Variants in SEZ6 observed in about 807,000 individuals in gnomAD.
SEZ6 encodes the protein seizure protein 6 homolog.
SEZ6 carries 53 observed loss-of-function variants against 101.0 expected under a neutral mutation model. The ratio of observed to expected loss-of-function variants is 0.52; its 90% CI spans 0.42 to 0.66. The LOEUF (loss-of-function observed/expected upper bound fraction) is 0.66. Among genes scored for constraint, SEZ6 ranks in the 30% least tolerant of loss-of-function variants. SEZ6 has a pLI of 0.00. For synonymous variants in SEZ6, 488 were observed against 512.2 expected (o/e 0.95, Z 0.64); for missense variants, 1,102 against 1,289.4 (o/e 0.85, Z 2.23).
chr17:29,004,386 G>A (rs1431835925), intron 1 of SEZ6, among the ~76,000 whole-genome samples: 2 of 152,136 alleles, frequency 1.3e-5, no homozygotes, highest in Admixed American at 6.5e-5. Context: ...CCTGGGGTGG[G>A]TCTTGCAGGA....
chr17:29,004,770 G>A (rs2041662913), intron 1 of SEZ6, among the ~76,000 whole-genome samples: 1 of 152,154 alleles, frequency 6.6e-6, no homozygotes, highest in African/African-American at 2.4e-5. Flanking sequence ...ACTGCAGCGG[G>A]AGAAGGACGT....
At chr17:28,956,922 T>C in intron 13 of SEZ6, 123 bp downstream of exon 13, 1 of 1,354,188 alleles carries the variant, frequency 7.4e-7, no homozygotes, top group South Asian at 1.4e-5. Context: ...TGGCAGAGAC[T>C]GGGGAGACCA....
chr17:28,960,349 G>A, intron 7 of SEZ6, 156 bp downstream of exon 7: 1 of 970,016 alleles, frequency 1.0e-6, no homozygotes, highest in Non-Finnish European at 1.5e-6. Flanking sequence ...CAAAGAGAGG[G>A]GCAGGGAAAG....
rs561161706 is a variant in SEZ6 at position 28,957,424 on chromosome 17, C to T, written c.2418G>A (p.Met806Ile). ...QYICDQGFVL[M>I]GSSILTCHDR... ...CATGGCAGGTGAGGATGGAGCTGCC[C>T]ATCAGCACAAAACCCTGGTCACAGA... Residue 806 changes from methionine (M) to isoleucine (I), a missense_variant, in exon 12 of 17, where the codon ATG becomes ATA. Physicochemically the swap from Met to Ile is conservative, Grantham distance 10. Around this residue, in one of 3 missense-constraint regions of SEZ6, gnomAD observed 556 missense variants for 735.1 expected, o/e 0.76. Coordinates refer to ENST00000317338, the MANE Select transcript of SEZ6 (RefSeq NM_178860.5). 9 of 1,613,764 alleles carry T rather than the reference C, an allele frequency of 5.6e-6. No individual in the cohort carries two copies. Among genetic ancestry groups the T allele is most frequent in the South Asian group, 1.1e-5 (1 of 91,060 alleles).
chr17:28,955,972 T>C lies in SEZ6; in HGVS notation c.2975A>G (p.Glu992Gly). The C allele has an allele frequency of 5.6e-6, 9 of 1,612,606 alleles. No individual in the cohort carries two copies. Among genetic ancestry groups the C allele is most frequent in the Non-Finnish European group, 7.6e-6 (9 of 1,179,348 alleles). Residue 992 changes from glutamate (E) to glycine (G), a missense_variant, in exon 17 of 17, where the codon GAG becomes GGG. By Grantham distance (98) the Glu-to-Gly change is moderately conservative. Coordinates refer to ENST00000317338, the MANE Select transcript of SEZ6 (RefSeq NM_178860.5). ...ACCTAGATGGAGACTTCATATTCTC[T>C]CGTCTCCTGCAAAGGAAAGAGACTG... ...ETGSLSFAGD[E>G]RI
chr17:28,964,163 G>C lies in SEZ6; in HGVS notation c.1055-16C>G, dbSNP rs368047971. On this transcript the variant is annotated splice_polypyrimidine_tract_variant and intron_variant, in intron 4 of 16. Transcript: ENST00000317338. ...AGGAGATAGGCTGCAAACAGAGAAC[G>C]GGTGACACTGTGTATGTGTGCAGGG... The C allele has an allele frequency of 6.4e-7, 1 of 1,566,240 alleles. No homozygotes were observed. The highest frequency in any genetic ancestry group is 1.4e-5 in the African/African-American group (1 of 73,726).
rs992137860 is a variant in SEZ6, at chr17:29,005,291, G to A, written c.55+524C>T. 3.9e-5 allele frequency among the ~76,000 whole-genome samples: 6 copies of A among 152,188 alleles called. No individual in the cohort carries two copies. Among genetic ancestry groups the A allele is most frequent in the African/African-American group, 1.4e-4 (6 of 41,448 alleles). On this transcript the variant is annotated intron_variant, in intron 1 of 16. Coordinates refer to ENST00000317338, the MANE Select transcript of SEZ6 (RefSeq NM_178860.5). The surrounding 1 kb of genome is among the most constrained non-coding windows in gnomAD (Gnocchi z 4.8). ...AGCGCCAGGGCATGGGGAGGTGAGC[G>A]AGGTCCCAACCCCGGGTCCGGCCGC...
In SEZ6 at chr17:28,991,816, G is replaced by T. The variant is rs2041464422; in HGVS notation, c.56-9777C>A. Among the ~76,000 whole-genome samples the T allele has an allele frequency of 2.0e-5, 3 of 152,182 alleles. No homozygotes were observed. The South Asian group carries it at 6.2e-4, about 32-fold the overall frequency. On this transcript the variant is annotated intron_variant, in intron 1 of 16. Transcript: ENST00000317338. ...AGGATTCTTGTCATCCACCGATGAGGTTTGCTTCCCAAACTTGGCCGCGCA... is the reference window on the plus strand; with the variant it reads ...AGGATTCTTGTCATCCACCGATGAGTTTTGCTTCCCAAACTTGGCCGCGCA...
intron 7 of SEZ6, chr17:28,960,197 C>T: frequency 1.7e-6 from 1 of 574,692 alleles, no homozygotes; most frequent in South Asian, 2.1e-5. Flanking sequence ...ATAAATGGTT[C>T]TAGAATGTCT....
Position 28,981,698 on chromosome 17 carries a change from G to A in SEZ6, c.397C>T (p.Pro133Ser), listed in dbSNP as rs1241389509. The change falls in exon 2 of 17, where the codon CCC becomes TCC. Residue 133 changes from proline to serine, a missense_variant. Physicochemically the swap from Pro to Ser is moderately conservative, Grantham distance 74. This residue lies in a region of SEZ6 where 406 missense variants were observed against 418.6 expected (regional missense o/e 0.97). Coordinates refer to ENST00000317338, the MANE Select transcript of SEZ6 (RefSeq NM_178860.5). ...CTCCAGGGTCCCTCCTTGGACTGGGGCTGAGTGGGTACCGCAGCCATGGCT... is the reference window on the plus strand; with the variant it reads ...CTCCAGGGTCCCTCCTTGGACTGGGACTGAGTGGGTACCGCAGCCATGGCT... Reference protein sequence around the residue: ...TPAMAAVPTQPQSKEGPWSPE... With the variant: ...TPAMAAVPTQSQSKEGPWSPE... 2.5e-6 allele frequency: 4 copies of A among 1,587,330 alleles called. No individual in the cohort carries two copies. Among genetic ancestry groups the A allele is most frequent in the Admixed American group, 1.7e-5 (1 of 58,930 alleles).
At chr17:28,981,300 G>A (rs1415768579) in intron 2 of SEZ6, 71 bp downstream of exon 2, 4 of 1,488,342 alleles carry the variant, frequency 2.7e-6, no homozygotes, top group Non-Finnish European at 3.6e-6. Context: ...CAGTGTCAGA[G>A]ACAGGCTTTT....
In SEZ6 at chr17:28,982,602, G is replaced by A. The variant is rs144576750; in HGVS notation, c.56-563C>T. On this transcript the variant is annotated intron_variant, in intron 1 of 16. Transcript: ENST00000317338. Reference sequence around the variant, plus strand: ...GCTGGTCATTAGCCTCAGGAAATGCGTCACATATTTGGGATTTTATTTTAG... The same window carrying A: ...GCTGGTCATTAGCCTCAGGAAATGCATCACATATTTGGGATTTTATTTTAG... Among the ~76,000 whole-genome samples, 31 of 152,238 alleles carry A rather than the reference G, an allele frequency of 2.0e-4. No homozygotes were observed. The East Asian group carries it at 5.0e-3, about 25-fold the overall frequency.
chr17:28,959,605 T>C lies in SEZ6; in HGVS notation c.1771+93A>G, dbSNP rs556807833. 3 of 1,534,390 alleles carry C rather than the reference T, an allele frequency of 2.0e-6. No homozygotes were observed. The Admixed American group carries it at 5.6e-5, about 29-fold the overall frequency. The stretch of plus-strand genomic sequence containing the variant: ...TTGGAGGAAGCCTGAACCACGCATA[T>C]CACAGGGCCCCTGTGGCCCCGGGCT... On this transcript the variant is annotated intron_variant, in intron 8 of 16. Transcript: ENST00000317338. This position sits in a 1 kb window ranked among gnomAD's most constrained non-coding sequence, Gnocchi z 4.4.
Position 28,971,220 on chromosome 17 carries a change from C to T in SEZ6, c.859-1268G>A, listed in dbSNP as rs533824825. Among the ~76,000 whole-genome samples the T allele has an allele frequency of 6.6e-5, 10 of 152,276 alleles. No individual in the cohort carries two copies. The South Asian group carries it at 8.3e-4, about 13-fold the overall frequency. ...ACTTCAGTTTCCTCATTTTATAAAA[C>T]GAACTAGTGGAGTTCTTTGCTACTT... On this transcript the variant is annotated intron_variant, in intron 3 of 16. Transcript: ENST00000317338.
At chr17:28,977,715 G>A (rs887900554) in intron 3 of SEZ6, among the ~76,000 whole-genome samples, 3 of 152,036 alleles carry the variant, frequency 2.0e-5, no homozygotes, top group Admixed American at 6.6e-5. Context: ...GCTTGGGGGG[G>A]GCAGACAGAG....
At chr17:28,974,531 A>G (rs2041196185) in intron 3 of SEZ6, among the ~76,000 whole-genome samples, 1 of 152,150 alleles carries the variant, frequency 6.6e-6, no homozygotes, top group African/African-American at 2.4e-5. Flanking sequence ...AGCTCTCATA[A>G]AGTCTCAATA....
intron 3 of SEZ6, among the ~76,000 whole-genome samples, chr17:28,971,919 C>G (rs1448336610): frequency 6.6e-6 from 1 of 152,224 alleles, no homozygotes; most frequent in Non-Finnish European, 1.5e-5. Flanking sequence ...ACTTCCCATC[C>G]CCAACTCATC....
rs1488126821 is a variant in SEZ6, at chr17:28,959,752, C to T, written c.1717G>A (p.Glu573Lys). ...YTLEQGSIII[E>K]CVDPHDPQWN... ...TGGGGGTCGTGGGGGTCAACACACT[C>T]GATGATGATGGAGCCCTGCTCCAGG... Residue 573 changes from glutamate (E) to lysine (K), a missense_variant, in exon 8 of 17, where the codon GAG (glutamate) becomes AAG (lysine). Glu to Lys is a moderately conservative substitution (Grantham distance 56, BLOSUM62 1). This residue lies in a region of SEZ6 where 556 missense variants were observed against 735.1 expected (regional missense o/e 0.76). Coordinates refer to ENST00000317338, the MANE Select transcript of SEZ6 (RefSeq NM_178860.5). The surrounding 1 kb of genome is among the most constrained non-coding windows in gnomAD (Gnocchi z 4.4). 11 of 1,612,078 alleles carry T rather than the reference C, an allele frequency of 6.8e-6. No homozygotes were observed. The highest frequency in any genetic ancestry group is 3.3e-5 in the Admixed American group (2 of 59,928).
intron 7 of SEZ6, 93 bp downstream of exon 7, chr17:28,960,412 G>A (rs1175721411): frequency 2.7e-6 from 4 of 1,484,258 alleles, no homozygotes; most frequent in Admixed American, 2.0e-5. Flanking sequence ...TGACAGCATG[G>A]AGGCAGAGAG....
Sources: allele counts gnomAD v4.1 joint callset (sites outside exome capture counted in the v4.1 genomes callset), GRCh38; gene constraint gnomAD v4.1.1; regional missense constraint gnomAD v4.1.1; non-coding constraint Gnocchi (gnomAD v3.1); transcripts MANE v1.5; gene names NCBI Gene and HGNC (gene_info 2026-07-23, HGNC 2026-07-21).